Variants in PRDM11 observed in about 807,000 individuals in gnomAD.
PRDM11 encodes PR/SET domain 11, also known as PR domain-containing protein 11.
PRDM11 carries 20 observed loss-of-function variants against 97.8 expected under a neutral mutation model. That is an observed-to-expected ratio of 0.20 (90% confidence interval 0.14 to 0.30). The LOEUF (loss-of-function observed/expected upper bound fraction) is 0.30, where lower values mean the gene tolerates loss of function less well. Ranked by LOEUF, PRDM11 falls within the 10% of genes least tolerant of loss-of-function variation. The pLI is 1.00. For synonymous variants in PRDM11, 599 were observed against 637.7 expected, an observed-to-expected ratio of 0.94 and a Z score of 0.91; for missense variants, 1,139 against 1,555.2, an observed-to-expected ratio of 0.73 and a Z score of 4.50.
chr11:45,197,473 A>G (rs1853165955), intron 4 of PRDM11, among the ~76,000 whole-genome samples: 1 of 152,140 alleles, frequency 6.6e-6, no homozygotes, highest in Admixed American at 6.5e-5. Flanking sequence ...AAATTTGCTA[A>G]AAGGGTAGAT....
At chr11:45,125,551 A>T (rs1327304335) in intron 1 of PRDM11, among the ~76,000 whole-genome samples, 1 of 151,952 alleles carries the variant, frequency 6.6e-6, no homozygotes, top group African/African-American at 2.4e-5. Flanking sequence ...CTTTGTTCTC[A>T]TTGGTTTCAA....
intron 1 of PRDM11, among the ~76,000 whole-genome samples, chr11:45,123,884 A>T (rs1188877263): frequency 6.7e-6 from 1 of 148,296 alleles, no homozygotes; most frequent in East Asian, 1.9e-4. Flanking sequence ...CTGTGAAGAA[A>T]GTCATTGGTA....
intron 3 of PRDM11, 34 bp from the exon 4 acceptor site, chr11:45,182,827 A>G (rs543308532): frequency 1.3e-6 from 2 of 1,542,876 alleles, no homozygotes; most frequent in African/African-American, 1.4e-5. Context: ...CCCTGCAACA[A>G]CTGAGGCCCT....
At chr11:45,100,563 G>T (rs1440181599) in intron 1 of PRDM11, among the ~76,000 whole-genome samples, 1 of 152,130 alleles carries the variant, frequency 6.6e-6, no homozygotes. Context: ...ATCATCATCT[G>T]CTGCTGCTGA....
At chr11:45,174,450 ATGATC>A (rs56783303) in intron 1 of PRDM11, among the ~76,000 whole-genome samples, 3,580 of 152,314 alleles carry the variant, frequency 0.024, 143 homozygotes, top group African/African-American at 0.081. Flanking sequence ...TTTAGTAGAC[ATGATC>A]TTCCAAAATG....
At chr11:45,223,729 G>A (rs1040046688) in intron 6 of PRDM11, among the ~76,000 whole-genome samples, 1 of 152,314 alleles carries the variant, frequency 6.6e-6, no homozygotes, top group Admixed American at 6.5e-5. Context: ...GAGCAACGAA[G>A]GAGGAGGAAG....
In PRDM11 at chr11:45,226,102, C is replaced by T; in HGVS notation, c.1477C>T (p.Pro493Ser). 6.5e-7 allele frequency: 1 copy of T among 1,532,644 alleles called. No homozygotes were observed. Among genetic ancestry groups the T allele is most frequent in the East Asian group, 2.4e-5 (1 of 40,834 alleles). 94.9% of individuals were successfully genotyped at this position (1,532,644 alleles called of 1,614,324 possible). Residue 493 changes from proline (P) to serine (S), a missense_variant, in exon 8 of 8, where the codon CCC becomes TCC. By Grantham distance (74) the Pro-to-Ser change is moderately conservative. Coordinates refer to ENST00000683152, the MANE Select transcript of PRDM11 (RefSeq NM_001384648.1). ...SNDMMTATDEPSKMSSATGRR... is the reference protein window; with the variant it reads ...SNDMMTATDESSKMSSATGRR... ...TGATATGATGACAGCGACGGATGAG[C>T]CCTCCAAGATGTCATCGGCCACCGG...
At chr11:45,159,332 G>A (rs1851877504) in intron 1 of PRDM11, among the ~76,000 whole-genome samples, 1 of 152,232 alleles carries the variant, frequency 6.6e-6, no homozygotes, top group South Asian at 2.1e-4. Context: ...GGCTGCTTCT[G>A]GAGCTCAATT....
chr11:45,143,246 T>A (rs1335601233), upstream of PRDM11, among the ~76,000 whole-genome samples: 1 of 152,162 alleles, frequency 6.6e-6, no homozygotes, highest in Non-Finnish European at 1.5e-5. Flanking sequence ...TGGAAGTGAA[T>A]CCCCAGTGAC....
At chr11:45,194,633 C>G (rs11600467) in intron 4 of PRDM11, among the ~76,000 whole-genome samples, 72,798 of 122,902 alleles carry the variant, frequency 0.59, 23,734 homozygotes, top group Non-Finnish European at 0.74. Flanking sequence ...GAGTCTCGCT[C>G]TGTCGCCCAG....
chr11:45,095,690 G>A, upstream of PRDM11: 1 of 652,840 alleles, frequency 1.5e-6, no homozygotes, highest in Non-Finnish European at 2.8e-6. Context: ...GTCCTCTTGG[G>A]GAAAGGCATT....
intron 1 of PRDM11, among the ~76,000 whole-genome samples, chr11:45,107,066 T>TG (rs1447211040): frequency 6.6e-6 from 1 of 152,174 alleles, no homozygotes; most frequent in African/African-American, 2.4e-5. Flanking sequence ...CAGCAATACC[T>TG]GGGCTTCACA....
intron 5 of PRDM11, chr11:45,212,433 G>A (rs74816811): frequency 0.1 from 36,124 of 362,934 alleles, 2,075 homozygotes; most frequent in Middle Eastern, 0.19. Flanking sequence ...TCTCCCTTTT[G>A]TAACCACTTT....
rs573221085 is a variant in PRDM11 at position 45,232,434 on chromosome 11, G to T, written c.*4275G>T. 5.3e-5 allele frequency: 8 copies of T among 152,252 alleles called. No individual in the cohort carries two copies. The highest frequency in any genetic ancestry group is 1.9e-4 in the African/African-American group (8 of 41,438). 9.4% of individuals were successfully genotyped at this position (152,252 alleles called of 1,614,324 possible). On this transcript the variant is annotated 3_prime_UTR_variant, in exon 8 of 8. Coordinates refer to ENST00000683152, the MANE Select transcript of PRDM11 (RefSeq NM_001384648.1). ...TTCAGTCTGGGTTGATTTCCAAGTC[G>T]AATTCATGCTTTTTCTTGGCCCATA...
chr11:45,220,942 G>T (rs1306566983), intron 6 of PRDM11, among the ~76,000 whole-genome samples: 1 of 151,804 alleles, frequency 6.6e-6, no homozygotes, highest in African/African-American at 2.4e-5. Context: ...CTAAAACCAC[G>T]CATCCAAACA....
intron 1 of PRDM11, among the ~76,000 whole-genome samples, chr11:45,130,807 T>C (rs1172176269): frequency 6.6e-6 from 1 of 152,216 alleles, no homozygotes; most frequent in Non-Finnish European, 1.5e-5. Flanking sequence ...TTTTCCATAA[T>C]AGGATTTTTA....
At chr11:45,195,647 C>T (rs935189860) in intron 4 of PRDM11, among the ~76,000 whole-genome samples, 1 of 151,910 alleles carries the variant, frequency 6.6e-6, no homozygotes, top group African/African-American at 2.4e-5. Flanking sequence ...GATCTTGGCT[C>T]ACTGCAGCCT....
intron 4 of PRDM11, among the ~76,000 whole-genome samples, chr11:45,200,624 G>C (rs907066285): frequency 6.6e-6 from 1 of 152,186 alleles, no homozygotes; most frequent in Non-Finnish European, 1.5e-5. Context: ...AGGAACTAGA[G>C]ATGCTTCTCT....
chr11:45,197,588 G>C (rs753588311), intron 4 of PRDM11, among the ~76,000 whole-genome samples: 3 of 152,072 alleles, frequency 2.0e-5, no homozygotes, highest in Non-Finnish European at 2.9e-5. Context: ...GGTTTGACAG[G>C]TGTACACTTA....
Sources: allele counts gnomAD v4.1 joint callset (sites outside exome capture counted in the v4.1 genomes callset), GRCh38; gene constraint gnomAD v4.1.1; transcripts MANE v1.5; gene names NCBI Gene and HGNC (gene_info 2026-07-23, HGNC 2026-07-21).